ZMAT4: variants seen among roughly 807,000 people sequenced by gnomAD.
The protein encoded by ZMAT4 is zinc finger matrin-type 4.
A neutral mutation model predicts 28.7 loss-of-function variants in ZMAT4; 17 were observed. The observed-to-expected ratio is 0.59, with a 90% confidence interval of 0.41 to 0.89. The LOEUF (loss-of-function observed/expected upper bound fraction) is 0.89, where lower values mean the gene tolerates loss of function less well. Among genes scored for constraint, ZMAT4 ranks in the 40% least tolerant of loss-of-function variants. The pLI, the probability that ZMAT4 is intolerant of heterozygous loss-of-function variation, is 0.00. For synonymous variants in ZMAT4, 117 were observed against 109.2 expected (o/e 1.07, Z -0.44); for missense variants, 240 against 283.8 (o/e 0.85, Z 1.11).
At chr8:40,716,714 G>A (rs1317112896) in intron 3 of ZMAT4, among the ~76,000 whole-genome samples, 2 of 152,064 alleles carry the variant, frequency 1.3e-5, no homozygotes, top group African/African-American at 4.8e-5. Flanking sequence ...ATAAATAAGA[G>A]AGAGTCAGTT....
intron 1 of ZMAT4, among the ~76,000 whole-genome samples, chr8:40,833,896 G>A (rs988055438): frequency 2.6e-5 from 4 of 152,138 alleles, no homozygotes; most frequent in Admixed American, 1.3e-4. Flanking sequence ...GTAGCTTACC[G>A]TACATCACCC....
At chr8:40,620,101 G>C (rs112128168) in intron 5 of ZMAT4, among the ~76,000 whole-genome samples, 1 of 152,168 alleles carries the variant, frequency 6.6e-6, no homozygotes, top group Non-Finnish European at 1.5e-5. Context: ...CTCACTAGCC[G>C]TGTAGGGTTC....
At position 40,842,152 on chromosome 8, in the gene ZMAT4, C is replaced by T. The variant is rs2150627416; in HGVS notation, c.-4-16472G>A. On this transcript the variant is annotated intron_variant, in intron 1 of 6. Coordinates refer to ENST00000297737, the MANE Select transcript of ZMAT4 (RefSeq NM_024645.3). Reference sequence around the variant, plus strand: ...TGCTAAGAAAAAGAAGCAAGTGTGGCTCCTGGGGGCAGCAATGGTGGTCCC... The same window carrying T: ...TGCTAAGAAAAAGAAGCAAGTGTGGTTCCTGGGGGCAGCAATGGTGGTCCC... Among the ~76,000 whole-genome samples, 4 of 152,326 alleles carry T rather than the reference C, an allele frequency of 2.6e-5. No homozygotes were observed. The South Asian group carries it at 8.3e-4, about 32-fold the overall frequency.
chr8:40,684,200 GT>G (rs1467083550), intron 4 of ZMAT4, among the ~76,000 whole-genome samples: 3 of 152,164 alleles, frequency 2.0e-5, no homozygotes, highest in Non-Finnish European at 4.4e-5. Flanking sequence ...AAAAAGAAAA[GT>G]ACAGAGACAT....
At chr8:40,582,764 T>G (rs1204258816) in intron 5 of ZMAT4, among the ~76,000 whole-genome samples, 2 of 152,202 alleles carry the variant, frequency 1.3e-5, no homozygotes, top group African/African-American at 4.8e-5. Context: ...GAGGGCTGAG[T>G]GAGATCTGGC....
At chr8:40,859,523 G>T (rs1460132904) in intron 1 of ZMAT4, among the ~76,000 whole-genome samples, 1 of 152,058 alleles carries the variant, frequency 6.6e-6, no homozygotes, top group African/African-American at 2.4e-5. Context: ...ATCGGACAAG[G>T]GGAATTACAG....
chr8:40,851,504 G>A (rs771306395), intron 1 of ZMAT4, among the ~76,000 whole-genome samples: 2 of 152,190 alleles, frequency 1.3e-5, no homozygotes, highest in Non-Finnish European at 2.9e-5. Context: ...TTTCACAAGT[G>A]TACCATAGTC....
At chr8:40,835,971 AG>A (rs1816466214) in intron 1 of ZMAT4, among the ~76,000 whole-genome samples, 1 of 152,228 alleles carries the variant, frequency 6.6e-6, no homozygotes, top group Non-Finnish European at 1.5e-5. Flanking sequence ...TGGCCAAGAC[AG>A]GAAGATACAG....
chr8:40,671,851 T>A (rs965140926), intron 5 of ZMAT4, among the ~76,000 whole-genome samples: 1 of 152,196 alleles, frequency 6.6e-6, no homozygotes, highest in African/African-American at 2.4e-5. Flanking sequence ...TAGTTTCTTA[T>A]AAAAAATATT....
chr8:40,787,422 T>C (rs1814132348), intron 2 of ZMAT4, among the ~76,000 whole-genome samples: 1 of 152,236 alleles, frequency 6.6e-6, no homozygotes, highest in Non-Finnish European at 1.5e-5. Flanking sequence ...CTTTTGTAGT[T>C]TGAAATGAGA....
At chr8:40,750,707 A>G (rs1812421369) in intron 3 of ZMAT4, among the ~76,000 whole-genome samples, 1 of 152,230 alleles carries the variant, frequency 6.6e-6, no homozygotes, top group Non-Finnish European at 1.5e-5. Flanking sequence ...AAAAAGAAAC[A>G]GAGCAGAAAG....
In ZMAT4 at chr8:40,820,566, G is replaced by C. The variant is rs546268929; in HGVS notation, c.102+5009C>G. ...CATTTGTGTGTGTATGTGTGTGAGTGTGTTTTGGTGTTTATGTGTGTATCT... is the reference window on the plus strand; with the variant it reads ...CATTTGTGTGTGTATGTGTGTGAGTCTGTTTTGGTGTTTATGTGTGTATCT... On this transcript the variant is annotated intron_variant, in intron 2 of 6. Coordinates refer to ENST00000297737, the MANE Select transcript of ZMAT4 (RefSeq NM_024645.3). 6.6e-3 allele frequency among the ~76,000 whole-genome samples: 949 copies of C among 143,608 alleles called. 8 individuals are homozygous for C. The highest frequency in any genetic ancestry group is 0.023 in the African/African-American group (897 of 38,328). The allele number at this position is 143,608 out of a possible 152,430, so 94.2% of individuals were successfully genotyped here.
At chr8:40,549,387 C>G (rs1190163330) in intron 6 of ZMAT4, among the ~76,000 whole-genome samples, 4 of 152,142 alleles carry the variant, frequency 2.6e-5, no homozygotes, top group African/African-American at 9.7e-5. Flanking sequence ...GCTTACAACT[C>G]CCAAGTTTGC....
At chr8:40,639,792 A>G (rs1311431281) in intron 5 of ZMAT4, among the ~76,000 whole-genome samples, 1 of 151,896 alleles carries the variant, frequency 6.6e-6, no homozygotes, top group Non-Finnish European at 1.5e-5. Context: ...ACACACACAC[A>G]CACACACACA....
intron 5 of ZMAT4, among the ~76,000 whole-genome samples, chr8:40,600,435 T>A (rs1029746198): frequency 6.6e-6 from 1 of 152,156 alleles, no homozygotes; most frequent in Non-Finnish European, 1.5e-5. Flanking sequence ...TCATACAGGG[T>A]GTGGCCAGGC....
chr8:40,706,336 G>T (rs1810350102), intron 3 of ZMAT4, among the ~76,000 whole-genome samples: 2 of 152,176 alleles, frequency 1.3e-5, no homozygotes, highest in South Asian at 4.1e-4. Flanking sequence ...TTACAGGCGT[G>T]AGCCACTGCG....
chr8:40,660,809 G>A (rs1425020019), intron 5 of ZMAT4, among the ~76,000 whole-genome samples: 1 of 152,146 alleles, frequency 6.6e-6, no homozygotes, highest in African/African-American at 2.4e-5. Context: ...TACTGAATGA[G>A]CTCAGCTTTT....
chr8:40,879,457 A>G (rs1818146865), intron 1 of ZMAT4, among the ~76,000 whole-genome samples: 1 of 152,188 alleles, frequency 6.6e-6, no homozygotes. Flanking sequence ...GTTTGTTTCC[A>G]TCCCCAAAAC....
At chr8:40,679,417 G>C (rs955314495) in intron 4 of ZMAT4, among the ~76,000 whole-genome samples, 4 of 152,120 alleles carry the variant, frequency 2.6e-5, no homozygotes, top group African/African-American at 9.7e-5. Flanking sequence ...AAAGGAAAGA[G>C]GTTTAATTAA....
Sources: gnomAD v4.1 joint callset for allele counts (sites outside exome capture counted in the v4.1 genomes callset) on GRCh38, gnomAD v4.1.1 for gene constraint, MANE v1.5 for transcripts, NCBI Gene and HGNC (gene_info 2026-07-23, HGNC 2026-07-21) for gene names.